The following SLC12A6 variants were observed in gnomAD, a reference collection of about 807,000 sequenced individuals.
SLC12A6 encodes K-Cl cotransporter 3.
In SLC12A6, 66 loss-of-function variants were observed where a neutral mutation model predicts 135.3. The observed-to-expected ratio is 0.49, with a 90% CI of 0.40 to 0.60. SLC12A6 has a LOEUF of 0.60. Ranked by LOEUF, SLC12A6 falls within the 20% of genes least tolerant of loss-of-function variation. The pLI, the probability that SLC12A6 is intolerant of heterozygous loss-of-function variation, is 0.00. For missense variants in SLC12A6, 1,058 were observed against 1,452.3 expected, an observed-to-expected ratio of 0.73 and a Z score of 4.41; for synonymous variants, 513 against 508.8, an observed-to-expected ratio of 1.01 and a Z score of -0.11.
chr15:34,264,284 G>A (rs1161578186), intron 3 of SLC12A6, among the ~76,000 whole-genome samples: 3 of 152,136 alleles, frequency 2.0e-5, no homozygotes, highest in Admixed American at 6.5e-5. Context: ...CATCTCTGAA[G>A]GTATGACAAC....
intron 2 of SLC12A6, among the ~76,000 whole-genome samples, chr15:34,280,821 T>C (rs1566835691): frequency 6.6e-6 from 1 of 152,174 alleles, no homozygotes; most frequent in African/African-American, 2.4e-5. Flanking sequence ...AAGTGTGGTA[T>C]GTATATACAA....
chr15:34,305,380 T>C (rs1445401832), intron 2 of SLC12A6, among the ~76,000 whole-genome samples: 3 of 151,184 alleles, frequency 2.0e-5, no homozygotes, highest in Non-Finnish European at 4.4e-5. Flanking sequence ...GTCTCTTTTT[T>C]AAAAGTTTTT....
chr15:34,284,581 T>C (rs114147751), intron 2 of SLC12A6, among the ~76,000 whole-genome samples: 4,157 of 152,214 alleles, frequency 0.027, 192 homozygotes, highest in African/African-American at 0.095. Flanking sequence ...CCATGTTACT[T>C]TGAGATCTGT....
intron 2 of SLC12A6, among the ~76,000 whole-genome samples, chr15:34,296,313 G>T (rs1895876373): frequency 6.6e-6 from 1 of 152,110 alleles, no homozygotes; most frequent in African/African-American, 2.4e-5. Flanking sequence ...ACATTTTACA[G>T]TTTTTAAAAT....
chr15:34,318,461 T>A, intron 2 of SLC12A6: 1 of 946,362 alleles, frequency 1.1e-6, no homozygotes, highest in Admixed American at 1.7e-5. Flanking sequence ...CCACAACACT[T>A]TTCTCTGTCC....
chr15:34,256,574 G>C (rs776724698), intron 6 of SLC12A6, among the ~76,000 whole-genome samples: 1 of 152,172 alleles, frequency 6.6e-6, no homozygotes, highest in African/African-American at 2.4e-5. Context: ...ATAGAGCATA[G>C]TATACTCAAA....
chr15:34,248,924 G>A (rs891711156), intron 13 of SLC12A6, among the ~76,000 whole-genome samples: 1 of 152,106 alleles, frequency 6.6e-6, no homozygotes, highest in Admixed American at 6.6e-5. Context: ...ACAGACAAAT[G>A]TGTTTATACG....
At chr15:34,265,176 GA>G (rs1893418375) in intron 3 of SLC12A6, among the ~76,000 whole-genome samples, 1 of 152,092 alleles carries the variant, frequency 6.6e-6, no homozygotes, top group African/African-American at 2.4e-5. Flanking sequence ...CAGCCTGGGC[GA>G]CAGAGCGAGA....
intron 20 of SLC12A6, chr15:34,238,727 C>T (rs1891443267): frequency 6.6e-6 from 4 of 607,718 alleles, no homozygotes; most frequent in Middle Eastern, 4.4e-4. Context: ...AATGAAAACA[C>T]GGCAATTTTG....
intron 3 of SLC12A6, among the ~76,000 whole-genome samples, chr15:34,265,766 C>G (rs979631548): frequency 6.6e-6 from 1 of 152,132 alleles, no homozygotes; most frequent in African/African-American, 2.4e-5. Flanking sequence ...TAAGGAAAAG[C>G]CTACATTTCA....
intron 2 of SLC12A6, among the ~76,000 whole-genome samples, chr15:34,317,703 C>CA (rs1467141427): frequency 6.6e-6 from 1 of 152,132 alleles, no homozygotes; most frequent in East Asian, 1.9e-4. Flanking sequence ...ACTCCATCTC[C>CA]AAAAACATAA....
intron 24 of SLC12A6, 49 bp downstream of exon 24, chr15:34,235,966 G>T: frequency 7.2e-7 from 1 of 1,397,654 alleles, no homozygotes; most frequent in Non-Finnish European, 1.0e-6. Context: ...TCACATTTGT[G>T]CCACTGATTA....
At chr15:34,297,245 T>C (rs1895936539) in intron 2 of SLC12A6, among the ~76,000 whole-genome samples, 1 of 152,224 alleles carries the variant, frequency 6.6e-6, no homozygotes, top group African/African-American at 2.4e-5. Context: ...TTTTAATTTA[T>C]ACTCTATTTA....
At chr15:34,255,221 A>C in intron 8 of SLC12A6, 41 bp downstream of exon 8, 1 of 1,449,600 alleles carries the variant, frequency 6.9e-7, no homozygotes, top group Non-Finnish European at 9.7e-7. Context: ...CTAAATCAAT[A>C]TTTCTTCTAT....
At chr15:34,323,177 A>G (rs1308808581) in intron 2 of SLC12A6, among the ~76,000 whole-genome samples, 1 of 152,176 alleles carries the variant, frequency 6.6e-6, no homozygotes, top group African/African-American at 2.4e-5. Context: ...CTACGCCTCA[A>G]TAATATGAAG....
chr15:34,268,837 T>G (rs894884396), intron 3 of SLC12A6, among the ~76,000 whole-genome samples: 5 of 151,952 alleles, frequency 3.3e-5, no homozygotes, highest in African/African-American at 1.2e-4. Flanking sequence ...GTCAGATTAC[T>G]ATTATGTTTC....
chr15:34,234,342 G>A (rs559174469), intron 25 of SLC12A6, among the ~76,000 whole-genome samples: 20 of 152,048 alleles, frequency 1.3e-4, no homozygotes, highest in Non-Finnish European at 2.6e-4. Flanking sequence ...CTGCCAGTTC[G>A]GTTTGTCTTT....
chr15:34,266,371 A>T (rs1026933400), intron 3 of SLC12A6, among the ~76,000 whole-genome samples: 19 of 152,294 alleles, frequency 1.2e-4, no homozygotes, highest in African/African-American at 3.6e-4. Context: ...CCAAGAAGGC[A>T]TGACAGTTTT....
chr15:34,331,179 A>AT (rs1481864714), intron 2 of SLC12A6, among the ~76,000 whole-genome samples: 1 of 152,112 alleles, frequency 6.6e-6, no homozygotes, highest in Non-Finnish European at 1.5e-5. Context: ...GGGTAGAGGT[A>AT]TTTATTTATT....
Sources: gnomAD v4.1 joint callset for allele counts (sites outside exome capture counted in the v4.1 genomes callset) on GRCh38, gnomAD v4.1.1 for gene constraint, MANE v1.5 for transcripts, NCBI Gene and HGNC (gene_info 2026-07-23, HGNC 2026-07-21) for gene names.